GRHPR: variants seen among roughly 807,000 people sequenced by gnomAD.
GRHPR encodes glyoxylate reductase/hydroxypyruvate reductase.
A neutral mutation model predicts 36.8 loss-of-function variants in GRHPR; 35 were observed. That is an observed-to-expected ratio of 0.95 (90% confidence interval 0.73 to 1.26). The LOEUF (loss-of-function observed/expected upper bound fraction) is 1.26, where lower values mean the gene tolerates loss of function less well. GRHPR is among the 50% of genes most tolerant of loss of function. GRHPR has a pLI of 0.00. For missense variants in GRHPR, 380 were observed against 435.0 expected (o/e 0.87, Z 1.12); for synonymous variants, 179 against 181.0 (o/e 0.99, Z 0.09).
chr9:37,426,887 GTTGCAGTGAGCTGAGATCACACCA>G (rs1350902997), intron 4 of GRHPR, among the ~76,000 whole-genome samples: 1 of 151,736 alleles, frequency 6.6e-6, no homozygotes, highest in Non-Finnish European at 1.5e-5. Flanking sequence ...GGAGACAGAG[GTTGCAGTGAGCTGAGATCACACCA>G]TTGCACTCCA....
downstream of GRHPR, among the ~76,000 whole-genome samples, chr9:37,437,145 C>T (rs534521416): frequency 9.9e-5 from 15 of 152,216 alleles, no homozygotes; most frequent in Non-Finnish European, 1.6e-4. Context: ...CTTTTTAAAT[C>T]GCCACTACAC....
intron 1 of GRHPR, 82 bp from the exon 2 acceptor site, chr9:37,424,763 C>CAGAGGCCAGGATTCCCA: frequency 2.0e-6 from 3 of 1,531,112 alleles, no homozygotes; most frequent in African/African-American, 1.4e-5. Context: ...CCAGGGCCAT[C>CAGAGGCCAGGATTCCCA]AGAGGCCAGG....
intron 8 of GRHPR, chr9:37,434,506 G>T: frequency 2.1e-6 from 1 of 482,284 alleles, no homozygotes; most frequent in South Asian, 2.9e-5. Flanking sequence ...GGCAGAGGTA[G>T]AGGAAAAGCC....
upstream of GRHPR, chr9:37,422,688 G>A (rs1448726333): frequency 1.5e-6 from 2 of 1,317,854 alleles, no homozygotes; most frequent in Non-Finnish European, 2.1e-6. Flanking sequence ...CCCCGCCCCG[G>A]CCCAGCTACA....
chr9:37,438,964 G>C (rs1226731163), downstream of GRHPR: 1 of 152,196 alleles, frequency 6.6e-6, no homozygotes, highest in African/African-American at 2.4e-5. Context: ...AGATTAACAG[G>C]AGAGAAAACA....
At position 37,425,053 on chromosome 9, in the gene GRHPR, T is replaced by C. The variant is rs1186266380; in HGVS notation, c.214+78T>C. 2.8e-6 allele frequency: 4 copies of C among 1,408,042 alleles called. No homozygotes were observed. In the East Asian group the frequency reaches 6.9e-5, roughly 24 times the overall value. 87.2% of individuals were successfully genotyped at this position (1,408,042 alleles called of 1,614,324 possible). On this transcript the variant is annotated intron_variant, in intron 2 of 8. Coordinates refer to ENST00000318158, the MANE Select transcript of GRHPR (RefSeq NM_012203.2). ...TCAGCCTGTGCTGCTGGCTCCTGGC[T>C]GCTCTGCAGTGCTGTCTGGGTTCTG...
chr9:37,427,952 C>T, intron 4 of GRHPR: 1 of 171,694 alleles, frequency 5.8e-6, no homozygotes. Flanking sequence ...TGGCCAGCAG[C>T]GTGGGCCCCG....
intron 1 of GRHPR, 151 bp downstream of exon 1, chr9:37,422,984 A>T (rs1036101741): frequency 1.3e-5 from 8 of 625,830 alleles, no homozygotes; most frequent in African/African-American, 9.2e-5. Flanking sequence ...TTCTCCTCTT[A>T]AGACGACGCT....
chr9:37,432,862 C>T (rs995617207), intron 8 of GRHPR: 1 of 153,940 alleles, frequency 6.5e-6, no homozygotes, highest in African/African-American at 2.4e-5. Flanking sequence ...AACAAAGCCC[C>T]CTTCTCTCTT....
In GRHPR at chr9:37,436,912, T is replaced by C; in HGVS notation, c.*130T>C. 1.0e-6 allele frequency: 1 copy of C among 984,316 alleles called. No homozygotes were observed. Among genetic ancestry groups the C allele is most frequent in the East Asian group, 2.4e-5 (1 of 41,394 alleles). 61.0% of individuals were successfully genotyped at this position (984,316 alleles called of 1,614,324 possible). A position where few individuals can be genotyped will look rare whatever the true frequency, so the allele number is the denominator to read the frequency against. On this transcript the variant is annotated 3_prime_UTR_variant, in exon 9 of 9. Coordinates refer to ENST00000318158, the MANE Select transcript of GRHPR (RefSeq NM_012203.2). The stretch of plus-strand genomic sequence containing the variant: ...TTCTCTGAGGAAAGAGTGATTCTGA[T>C]ATATGTACTTGTCACATTGGTGTTG...
chr9:37,426,378 A>T (rs2118864513), intron 3 of GRHPR, 160 bp from the exon 4 acceptor site: 1 of 725,812 alleles, frequency 1.4e-6, no homozygotes, highest in South Asian at 1.5e-5. Context: ...TAATCTAAAT[A>T]GGAATGAGGA....
intron 8 of GRHPR, chr9:37,434,484 C>A: frequency 3.6e-6 from 2 of 553,240 alleles, no homozygotes; most frequent in East Asian, 3.4e-5. Flanking sequence ...ATCTTTGTCC[C>A]CAAGAAGGTG....
chr9:37,431,976 C>G, intron 7 of GRHPR, 32 bp from the exon 8 acceptor site: 3 of 1,612,934 alleles, frequency 1.9e-6, no homozygotes, highest in Non-Finnish European at 2.5e-6. Context: ...GAGGGATCTT[C>G]GGGGTACCCA....
intron 1 of GRHPR, among the ~76,000 whole-genome samples, chr9:37,423,166 C>CTTT: frequency 7.3e-6 from 1 of 137,052 alleles, no homozygotes; most frequent in African/African-American, 2.7e-5. Context: ...ATTTACTTAT[C>CTTT]TTTTTTTTTT....
In GRHPR at chr9:37,434,425, CTG is replaced by C. The variant is rs1274057255; in HGVS notation, c.866-2232_866-2231del. ...GTATGGAGAATGTCAAGGGGTCAGA[CTG>C]TGTAGACCAATTGGGGCCATGCAGG... is the stretch of plus-strand genomic sequence containing the variant. On this transcript the variant is annotated intron_variant, in intron 8 of 8. Coordinates refer to ENST00000318158, the MANE Select transcript of GRHPR (RefSeq NM_012203.2). 7.3e-6 allele frequency: 4 copies of C among 551,330 alleles called. No individual in the cohort carries two copies. In the African/African-American group the frequency reaches 7.6e-5, roughly 11 times the overall value. 34.2% of individuals were successfully genotyped at this position (551,330 alleles called of 1,614,324 possible).
In GRHPR at chr9:37,429,852, A is replaced by G; in HGVS notation, c.598+16A>G. On this transcript the variant is annotated intron_variant, in intron 6 of 8. Coordinates refer to ENST00000318158, the MANE Select transcript of GRHPR (RefSeq NM_012203.2). ...GCAGAGTTTGGTAAGTGAAGCCTTGATTTCCACAGGAGCCTATCTGTGCCC... is the reference window on the plus strand; with the variant it reads ...GCAGAGTTTGGTAAGTGAAGCCTTGGTTTCCACAGGAGCCTATCTGTGCCC... 7.1e-7 allele frequency: 1 copy of G among 1,404,892 alleles called. No individual in the cohort carries two copies. Among genetic ancestry groups the G allele is most frequent in the Non-Finnish European group, 1.0e-6 (1 of 988,656 alleles). 87.0% of individuals were successfully genotyped at this position (1,404,892 alleles called of 1,614,324 possible).
intron 4 of GRHPR, 81 bp from the exon 5 acceptor site, chr9:37,428,403 C>T (rs1823185336): frequency 3.3e-6 from 3 of 915,384 alleles, no homozygotes; most frequent in Non-Finnish European, 3.6e-6. Flanking sequence ...CCTTGGACCA[C>T]AGTCAGAGGT....
Position 37,435,633 on chromosome 9 carries a change from G to A in GRHPR, c.866-1028G>A, listed in dbSNP as rs576143856. On this transcript the variant is annotated intron_variant, in intron 8 of 8. Transcript: ENST00000318158. The stretch of plus-strand genomic sequence containing the variant: ...TGGCTGGGCGCAGTGGCTCACACCT[G>A]TAATCGCAGCCCTTTGGGAGGCTAA... 1.4e-4 allele frequency among the ~76,000 whole-genome samples: 22 copies of A among 152,166 alleles called. No individual in the cohort carries two copies. The East Asian group carries it at 3.7e-3, about 25-fold the overall frequency.
chr9:37,434,490 A>T (rs1351771287), intron 8 of GRHPR: 4 of 542,500 alleles, frequency 7.4e-6, no homozygotes. Context: ...GTCCCCAAGA[A>T]GGTGAGGCAG....
Sources: gnomAD v4.1 joint callset for allele counts (sites outside exome capture counted in the v4.1 genomes callset) on GRCh38, gnomAD v4.1.1 for gene constraint, MANE v1.5 for transcripts, NCBI Gene and HGNC (gene_info 2026-07-23, HGNC 2026-07-21) for gene names.